The following RAMP2 variants were observed in gnomAD, a reference collection of about 807,000 sequenced individuals.
RAMP2 encodes receptor activity modifying protein 2.
Under a neutral mutation model 18.2 loss-of-function variants are expected in RAMP2, and 11 were observed. That is an observed-to-expected ratio of 0.60 (90% CI 0.38 to 1.00). The LOEUF is 1.00. Ranked by LOEUF, RAMP2 falls within the 50% of genes least tolerant of loss-of-function variation. The pLI is 0.01. For missense variants in RAMP2, 191 were observed against 226.5 expected, an observed-to-expected ratio of 0.84 and a Z score of 1.01; for synonymous variants, 86 against 90.8, an observed-to-expected ratio of 0.95 and a Z score of 0.30.
chr17:42,761,914 T>A lies in RAMP2; in HGVS notation c.163+15T>A. Reference sequence around the variant, plus strand: ...AGGGTCAGAAGGTGGGTACCCAGGGTGTGGAAGGGTGGCCGAGGGTAAGGA... The same window carrying A: ...AGGGTCAGAAGGTGGGTACCCAGGGAGTGGAAGGGTGGCCGAGGGTAAGGA... On this transcript the variant is annotated intron_variant, in intron 2 of 3. Transcript: ENST00000253796. The surrounding 1 kb of genome is among the most constrained non-coding windows in gnomAD (Gnocchi z 4.2). The A allele has an allele frequency of 6.5e-7, 1 of 1,549,572 alleles. No homozygotes were observed.
Position 42,761,815 on chromosome 17 carries a change from CTCCCGTTTCT to C in RAMP2, c.98-14_98-5del. ...GGGGTCCCCGCTATGTTACCCTCCT[CTCCCGTTTCT>C]TCCCACAGCTGTCCTGAATCCCCAC... On this transcript the variant is annotated splice_polypyrimidine_tract_variant and intron_variant, in intron 1 of 3. Coordinates refer to ENST00000253796, the MANE Select transcript of RAMP2 (RefSeq NM_005854.3). The surrounding 1 kb of genome is among the most constrained non-coding windows in gnomAD (Gnocchi z 4.2). The C allele has an allele frequency of 1.3e-6, 2 of 1,559,216 alleles. No homozygotes were observed. Among genetic ancestry groups the C allele is most frequent in the East Asian group, 4.5e-5 (2 of 44,566 alleles).
rs2143947554 is a variant in RAMP2 at position 42,761,531 on chromosome 17, G to T, written c.97+173G>T. ...ACGGTCCCTGACCCCACCTCGGGGC[G>T]GGCGCAGCATGAGCTGCTTCCCACC... On this transcript the variant is annotated intron_variant, in intron 1 of 3. Coordinates refer to ENST00000253796, the MANE Select transcript of RAMP2 (RefSeq NM_005854.3). The surrounding 1 kb of genome is among the most constrained non-coding windows in gnomAD (Gnocchi z 4.2). Among the ~76,000 whole-genome samples the T allele has an allele frequency of 6.6e-6, 1 of 152,278 alleles. No individual in the cohort carries two copies. The highest frequency in any genetic ancestry group is 1.9e-4 in the East Asian group (1 of 5,146).
rs756152720 is a variant in RAMP2, at chr17:42,761,898, A to AGGTG, written c.163+3_163+6dup. On this transcript the variant is annotated frameshift_variant and splice_region_variant, in exon 2 of 4. Transcript: ENST00000253796. LOFTEE classifies it high-confidence loss of function. The surrounding 1 kb of genome is among the most constrained non-coding windows in gnomAD (Gnocchi z 4.2). Reference sequence around the variant, plus strand: ...CCACCACAGGCACACCAGGGTCAGAAGGTGGGTACCCAGGGTGTGGAAGGG... The same window carrying AGGTG: ...CCACCACAGGCACACCAGGGTCAGAAGGTGGGTGGGTACCCAGGGTGTGGAAGGG... The AGGTG allele has an allele frequency of 1.3e-6, 2 of 1,572,080 alleles. No homozygotes were observed. Among genetic ancestry groups the AGGTG allele is most frequent in the South Asian group, 2.2e-5 (2 of 89,964 alleles).
intron 2 of RAMP2, among the ~76,000 whole-genome samples, 157 bp downstream of exon 2, chr17:42,762,056 T>C (rs896964836): frequency 6.6e-6 from 1 of 152,014 alleles, no homozygotes; most frequent in African/African-American, 2.4e-5. Context: ...TTTCTCCCTG[T>C]CCTCCTACAA....
chr17:42,761,503 C>T lies in RAMP2; in HGVS notation c.97+145C>T, dbSNP rs997248821. On this transcript the variant is annotated intron_variant, in intron 1 of 3. Transcript: ENST00000253796. The surrounding 1 kb of genome is among the most constrained non-coding windows in gnomAD (Gnocchi z 4.2). ...CGACGTACCTAGCAGCACTGGCCCT[C>T]GGACGGTCCCTGACCCCACCTCGGG... 16 of 730,200 alleles carry T rather than the reference C, an allele frequency of 2.2e-5. No individual in the cohort carries two copies. Among genetic ancestry groups the T allele is most frequent in the Admixed American group, 3.5e-5 (1 of 28,774 alleles). 45.2% of individuals were successfully genotyped at this position (730,200 alleles called of 1,614,324 possible).
rs569552830 is a variant in RAMP2, at chr17:42,762,988, G to T, written c.*136G>T. 1 of 1,061,944 alleles carries T rather than the reference G, an allele frequency of 9.4e-7. No homozygotes were observed. Among genetic ancestry groups the T allele is most frequent in the African/African-American group, 1.6e-5 (1 of 62,734 alleles). The allele number at this position is 1,061,944 out of a possible 1,614,324, so 65.8% of individuals were successfully genotyped here. A position where few individuals can be genotyped will look rare whatever the true frequency, so the allele number is the denominator to read the frequency against. The stretch of plus-strand genomic sequence containing the variant: ...GGATTGCTGGGAATGGAAGCCAGGT[G>T]GGGTCATGGCACAAGTTCTGTAATC... On this transcript the variant is annotated 3_prime_UTR_variant, in exon 4 of 4. Coordinates refer to ENST00000253796, the MANE Select transcript of RAMP2 (RefSeq NM_005854.3).
Position 42,761,363 on chromosome 17 carries a change from G to T in RAMP2, c.97+5G>T, listed in dbSNP as rs1218704571. On this transcript the variant is annotated splice_donor_5th_base_variant and intron_variant, in intron 1 of 3. Coordinates refer to ENST00000253796, the MANE Select transcript of RAMP2 (RefSeq NM_005854.3). The surrounding 1 kb of genome is among the most constrained non-coding windows in gnomAD (Gnocchi z 4.2). ...GCCTCCTCCTCCTGCTGGGCGGTGA[G>T]CGCGGCGCCCCGAGGCCCGGGCGGG... 3 of 1,328,034 alleles carry T rather than the reference G, an allele frequency of 2.3e-6. No individual in the cohort carries two copies. The highest frequency in any genetic ancestry group is 4.1e-5 in the South Asian group (2 of 48,886). The allele number at this position is 1,328,034 out of a possible 1,614,324, so 82.3% of individuals were successfully genotyped here.
chr17:42,761,856 C>T lies in RAMP2; in HGVS notation c.120C>T (p.Ala40=). Residue 40 remains alanine, a synonymous_variant, in exon 2 of 4, where the codon GCC becomes GCT. Transcript: ENST00000253796. This position sits in a 1 kb window ranked among gnomAD's most constrained non-coding sequence, Gnocchi z 4.2. The part of the protein sequence containing the change: ...LLGAVLNPHE[A]LAQPLPTTGT... The stretch of plus-strand genomic sequence containing the variant: ...CAGCTGTCCTGAATCCCCACGAGGC[C>T]CTGGCTCAGCCTCTTCCCACCACAG... The T allele has an allele frequency of 6.3e-7, 1 of 1,593,574 alleles. No individual in the cohort carries two copies. Among genetic ancestry groups the T allele is most frequent in the Non-Finnish European group, 8.6e-7 (1 of 1,161,372 alleles).
intron 3 of RAMP2, 34 bp from the exon 4 acceptor site, chr17:42,762,563 C>T: frequency 1.2e-6 from 2 of 1,602,850 alleles, no homozygotes; most frequent in Non-Finnish European, 1.7e-6. Flanking sequence ...CTGGGTCCAC[C>T]CCCTCTCTCA....
rs372584074 is a variant in RAMP2 at position 42,762,724 on chromosome 17, G to A, written c.400G>A (p.Val134Met). ...GATCCACTTTGCCAACTGCTCCCTG[G>A]TGCAGCCCACCTTCTCTGACCCCCC... ...HQIHFANCSL[V>M]QPTFSDPPED... The change falls in exon 4 of 4, where the codon GTG becomes ATG. Residue 134 changes from valine (V) to methionine (M), a missense_variant. Coordinates refer to ENST00000253796, the MANE Select transcript of RAMP2 (RefSeq NM_005854.3). 4 of 1,614,046 alleles carry A rather than the reference G, an allele frequency of 2.5e-6. No individual in the cohort carries two copies. Among genetic ancestry groups the A allele is most frequent in the Non-Finnish European group, 3.4e-6 (4 of 1,179,978 alleles).
At position 42,761,799 on chromosome 17, in the gene RAMP2, G is replaced by C; in HGVS notation, c.98-35G>C. On this transcript the variant is annotated intron_variant, in intron 1 of 3. Transcript: ENST00000253796. This position sits in a 1 kb window ranked among gnomAD's most constrained non-coding sequence, Gnocchi z 4.2. Reference sequence around the variant, plus strand: ...CGCAGGCTCCACTGCCGGGGTCCCCGCTATGTTACCCTCCTCTCCCGTTTC... The same window carrying C: ...CGCAGGCTCCACTGCCGGGGTCCCCCCTATGTTACCCTCCTCTCCCGTTTC... The C allele has an allele frequency of 1.3e-6, 2 of 1,534,170 alleles. No individual in the cohort carries two copies. Among genetic ancestry groups the C allele is most frequent in the South Asian group, 2.2e-5 (2 of 89,244 alleles).
rs2143950109 is a variant in RAMP2, at chr17:42,762,920, C to G, written c.*68C>G. On this transcript the variant is annotated 3_prime_UTR_variant, in exon 4 of 4. Transcript: ENST00000253796. ...ACCCCCACCAGGCCTCCCTCCTCCC[C>G]TCCTACTCCCTTTTCTCACTCTCAT... 6.9e-7 allele frequency: 1 copy of G among 1,450,072 alleles called. No homozygotes were observed. The highest frequency in any genetic ancestry group is 2.3e-5 in the East Asian group (1 of 43,170). 89.8% of individuals were successfully genotyped at this position (1,450,072 alleles called of 1,614,324 possible).
chr17:42,761,995 C>T lies in RAMP2; in HGVS notation c.163+96C>T. 1.7e-6 allele frequency: 2 copies of T among 1,173,274 alleles called. No homozygotes were observed. The highest frequency in any genetic ancestry group is 2.5e-6 in the Non-Finnish European group (2 of 809,312). 72.7% of individuals were successfully genotyped at this position (1,173,274 alleles called of 1,614,324 possible). ...TCCCACGAGGCCTGCCCAACCCCAG[C>T]TGATGCCCCACTACACTCCCCTCTG... On this transcript the variant is annotated intron_variant, in intron 2 of 3. Transcript: ENST00000253796. This position sits in a 1 kb window ranked among gnomAD's most constrained non-coding sequence, Gnocchi z 4.2.
chr17:42,762,265 A>G, intron 2 of RAMP2, 90 bp from the exon 3 acceptor site: 1 of 1,589,230 alleles, frequency 6.3e-7, no homozygotes, highest in Middle Eastern at 1.8e-4. Context: ...CCACGTTTGA[A>G]GACAGGCAGT....
rs2054375071 is a variant in RAMP2, at chr17:42,762,921, TC to T, written c.*71del. On this transcript the variant is annotated 3_prime_UTR_variant, in exon 4 of 4. Coordinates refer to ENST00000253796, the MANE Select transcript of RAMP2 (RefSeq NM_005854.3). Reference sequence around the variant, plus strand: ...CCCCCACCAGGCCTCCCTCCTCCCCTCCTACTCCCTTTTCTCACTCTCATCC... The same window carrying T: ...CCCCCACCAGGCCTCCCTCCTCCCCTCTACTCCCTTTTCTCACTCTCATCC... The T allele has an allele frequency of 2.8e-6, 4 of 1,446,672 alleles. No individual in the cohort carries two copies. The East Asian group carries it at 7.0e-5, about 25-fold the overall frequency. The allele number at this position is 1,446,672 out of a possible 1,614,324, so 89.6% of individuals were successfully genotyped here. A position where few individuals can be genotyped will look rare whatever the true frequency, so the allele number is the denominator to read the frequency against.
At position 42,761,613 on chromosome 17, in the gene RAMP2, G is replaced by A. The variant is rs998327749; in HGVS notation, c.98-221G>A. Among the ~76,000 whole-genome samples the A allele has an allele frequency of 6.6e-6, 1 of 152,184 alleles. No individual in the cohort carries two copies. Among genetic ancestry groups the A allele is most frequent in the African/African-American group, 2.4e-5 (1 of 41,464 alleles). The stretch of plus-strand genomic sequence containing the variant: ...TCGAAGAGGGCTTAGGAGGACGGAA[G>A]CTGGCCAGAGATGAGGGGGCTTTGG... On this transcript the variant is annotated intron_variant, in intron 1 of 3. Coordinates refer to ENST00000253796, the MANE Select transcript of RAMP2 (RefSeq NM_005854.3). This position sits in a 1 kb window ranked among gnomAD's most constrained non-coding sequence, Gnocchi z 4.2.
chr17:42,762,398 G>C lies in RAMP2; in HGVS notation c.207G>C (p.Trp69Cys). 6.2e-7 allele frequency: 1 copy of C among 1,614,108 alleles called. No homozygotes were observed. The highest frequency in any genetic ancestry group is 1.6e-4 in the Middle Eastern group (1 of 6,062). The stretch of plus-strand genomic sequence containing the variant: ...ATGAGACAGCTGTCCAATTTTGCTG[G>C]AATCATTATAAGGATCAAATGGATC... ...KNYETAVQFC[W>C]NHYKDQMDPI... is the part of the protein sequence containing the mutation. Residue 69 changes from tryptophan (W) to cysteine (C), a missense_variant, in exon 3 of 4, where the codon TGG becomes TGC. Coordinates refer to ENST00000253796, the MANE Select transcript of RAMP2 (RefSeq NM_005854.3).
chr17:42,762,121 G>A (rs2054369397), intron 2 of RAMP2, among the ~76,000 whole-genome samples: 1 of 152,222 alleles, frequency 6.6e-6, no homozygotes, highest in Non-Finnish European at 1.5e-5. Flanking sequence ...AAGACCCCAG[G>A]AAAAGGTGTA....
At chr17:42,762,520 T>C (rs1474233459) in intron 3 of RAMP2, 57 bp downstream of exon 3, 8 of 1,609,166 alleles carry the variant, frequency 5.0e-6, no homozygotes, top group Non-Finnish European at 6.8e-6. Flanking sequence ...TCATTGCAGG[T>C]AGACCCTGAG....
Sources: allele counts gnomAD v4.1 joint callset (sites outside exome capture counted in the v4.1 genomes callset), GRCh38; gene constraint gnomAD v4.1.1; non-coding constraint Gnocchi (gnomAD v3.1); transcripts MANE v1.5; gene names NCBI Gene and HGNC (gene_info 2026-07-23, HGNC 2026-07-21).